Variants in TAFA5 observed in about 807,000 individuals in gnomAD.
The protein encoded by TAFA5 is TAFA chemokine like family member 5, also known as chemokine-like protein TAFA-5.
In TAFA5, 6 loss-of-function variants were observed where a neutral mutation model predicts 15.3. That is an observed-to-expected ratio of 0.39 (90% CI 0.21 to 0.77). The LOEUF is 0.77. Ranked by LOEUF, TAFA5 falls within the 30% of genes least tolerant of loss-of-function variation. TAFA5 has a pLI of 0.41. For missense variants in TAFA5, 161 were observed against 193.1 expected, an observed-to-expected ratio of 0.83 and a Z score of 0.98; for synonymous variants, 103 against 80.7, an observed-to-expected ratio of 1.28 and a Z score of -1.48.
At chr22:48,570,138 T>C (rs1923534899) in intron 1 of TAFA5, among the ~76,000 whole-genome samples, 1 of 152,240 alleles carries the variant, frequency 6.6e-6, no homozygotes, top group Non-Finnish European at 1.5e-5. Context: ...GGATGGATTC[T>C]GCCTATTGGT....
At position 48,558,862 on chromosome 22, in the gene TAFA5, G is replaced by A. The variant is rs1923130014; in HGVS notation, c.112+69158G>A. Among the ~76,000 whole-genome samples, 10 of 152,338 alleles carry A rather than the reference G, an allele frequency of 6.6e-5. 1 individual carries two copies. The South Asian group carries it at 2.1e-3, about 32-fold the overall frequency. ...GGCGAACGGCGGGCCCACCTCCTGG[G>A]CTTCACTTGCCTCCGCCAGCTGCCA... On this transcript the variant is annotated intron_variant, in intron 1 of 3. Coordinates refer to ENST00000402357, the MANE Select transcript of TAFA5 (RefSeq NM_001082967.3).
At chr22:48,535,517 A>G (rs1451512234) in intron 1 of TAFA5, among the ~76,000 whole-genome samples, 3 of 152,268 alleles carry the variant, frequency 2.0e-5, no homozygotes, top group African/African-American at 7.2e-5. Context: ...ACACGTTCAC[A>G]CAGGCACATG....
At position 48,591,399 on chromosome 22, in the gene TAFA5, C is replaced by T. The variant is rs142949891; in HGVS notation, c.113-55198C>T. Among the ~76,000 whole-genome samples the T allele has an allele frequency of 7.5e-3, 1,144 of 152,324 alleles. 13 individuals carry two copies. The highest frequency in any genetic ancestry group is 0.026 in the African/African-American group (1,095 of 41,570). ...GCAAGCCACCCCTCTGGGTCCTGCC[C>T]GCTCTCCTCCCACCCCCGTGCGTCT... On this transcript the variant is annotated intron_variant, in intron 1 of 3. Coordinates refer to ENST00000402357, the MANE Select transcript of TAFA5 (RefSeq NM_001082967.3).
At chr22:48,672,850 A>G (rs1209142338) in intron 2 of TAFA5, among the ~76,000 whole-genome samples, 1 of 152,174 alleles carries the variant, frequency 6.6e-6, no homozygotes, top group Non-Finnish European at 1.5e-5. Context: ...GATCAGAGCA[A>G]TTATTCTCCA....
intron 2 of TAFA5, among the ~76,000 whole-genome samples, chr22:48,675,180 G>T (rs914634903): frequency 1.3e-5 from 2 of 152,206 alleles, no homozygotes; most frequent in Non-Finnish European, 2.9e-5. Context: ...GACGTCAGGT[G>T]ATCCACCCAC....
In TAFA5 at chr22:48,707,669, C is replaced by T. The variant is rs768094480; in HGVS notation, c.263-48C>T. 1.3e-5 allele frequency: 21 copies of T among 1,597,786 alleles called. No individual in the cohort carries two copies. The South Asian group carries it at 1.5e-4, about 11-fold the overall frequency. On this transcript the variant is annotated intron_variant, in intron 2 of 3. Coordinates refer to ENST00000402357, the MANE Select transcript of TAFA5 (RefSeq NM_001082967.3). ...CCAGGTGCCCTCAGCAACACCCTCA[C>T]GATCCATGAGAGTAGCACGCTGATT...
intron 1 of TAFA5, among the ~76,000 whole-genome samples, chr22:48,646,393 C>T (rs558388269): frequency 5.3e-5 from 8 of 152,312 alleles, no homozygotes; most frequent in African/African-American, 1.7e-4. Context: ...TGGAGTTCGC[C>T]GACTTGACCC....
intron 1 of TAFA5, among the ~76,000 whole-genome samples, chr22:48,536,491 T>C (rs1922170970): frequency 6.6e-6 from 1 of 152,218 alleles, no homozygotes. Context: ...AACATATGGC[T>C]CAGGCGTGCG....
rs191637054 is a variant in TAFA5, at chr22:48,551,637, C to T, written c.112+61933C>T. On this transcript the variant is annotated intron_variant, in intron 1 of 3. Transcript: ENST00000402357. ...AAGTGTTTTCTTGAGGGGCCTGTGA[C>T]GATGTGCATGGGGTCCTAAGGGGGG... 3.9e-5 allele frequency among the ~76,000 whole-genome samples: 6 copies of T among 152,240 alleles called. No homozygotes were observed. The East Asian group carries it at 1.2e-3, about 29-fold the overall frequency.
At chr22:48,677,023 G>A (rs752819838) in intron 2 of TAFA5, among the ~76,000 whole-genome samples, 5 of 152,176 alleles carry the variant, frequency 3.3e-5, no homozygotes, top group African/African-American at 9.7e-5. Flanking sequence ...CGTGGAGGAC[G>A]CCCCTGCCTG....
intron 1 of TAFA5, among the ~76,000 whole-genome samples, chr22:48,616,576 C>T (rs777032584): frequency 9.1e-5 from 13 of 142,324 alleles, no homozygotes; most frequent in Admixed American, 1.5e-4. Flanking sequence ...AGTCACAGCA[C>T]GAGGCAGGAA....
chr22:48,727,120 C>G (rs1171114485), intron 3 of TAFA5, among the ~76,000 whole-genome samples: 1 of 152,128 alleles, frequency 6.6e-6, no homozygotes, highest in African/African-American at 2.4e-5. Context: ...ACATCAGGAG[C>G]TGAACATTGA....
intron 1 of TAFA5, among the ~76,000 whole-genome samples, chr22:48,619,254 G>A (rs1324532482): frequency 6.6e-6 from 1 of 152,172 alleles, no homozygotes; most frequent in Non-Finnish European, 1.5e-5. Context: ...TGCCGTCAGG[G>A]TTGGATCTGT....
chr22:48,611,735 C>G (rs1014734130), intron 1 of TAFA5, among the ~76,000 whole-genome samples: 4 of 152,192 alleles, frequency 2.6e-5, no homozygotes, highest in Non-Finnish European at 5.9e-5. Flanking sequence ...CACCTCCTTC[C>G]TCCTCCCACC....
At chr22:48,650,253 C>T (rs368038095) in intron 2 of TAFA5, among the ~76,000 whole-genome samples, 1 of 152,296 alleles carries the variant, frequency 6.6e-6, no homozygotes, top group East Asian at 1.9e-4. Flanking sequence ...CACAGGCGCT[C>T]GGAATGCCGG....
At chr22:48,645,663 G>A (rs970647026) in intron 1 of TAFA5, among the ~76,000 whole-genome samples, 1 of 152,072 alleles carries the variant, frequency 6.6e-6, no homozygotes, top group African/African-American at 2.4e-5. Flanking sequence ...AAGGGAGATG[G>A]GGATGCAGGG....
intron 1 of TAFA5, among the ~76,000 whole-genome samples, chr22:48,581,490 G>A (rs1011132053): frequency 2.0e-5 from 3 of 152,230 alleles, no homozygotes; most frequent in East Asian, 1.9e-4. Flanking sequence ...TTCCCCACTC[G>A]GTGGTCTGGA....
At chr22:48,494,668 G>A (rs1367773396) in intron 1 of TAFA5, among the ~76,000 whole-genome samples, 1 of 152,184 alleles carries the variant, frequency 6.6e-6, no homozygotes, top group Non-Finnish European at 1.5e-5. Context: ...TTCTGTGGAG[G>A]CCCTGGATAG....
At chr22:48,536,038 T>C (rs1333109191) in intron 1 of TAFA5, among the ~76,000 whole-genome samples, 1 of 152,164 alleles carries the variant, frequency 6.6e-6, no homozygotes, top group Admixed American at 6.5e-5. Context: ...GCCCGTGTTG[T>C]CGAGCCCCCG....
Sources: allele counts gnomAD v4.1 joint callset (sites outside exome capture counted in the v4.1 genomes callset), GRCh38; gene constraint gnomAD v4.1.1; transcripts MANE v1.5; gene names NCBI Gene and HGNC (gene_info 2026-07-23, HGNC 2026-07-21).